The following CSMD1 variants were observed in gnomAD, a reference collection of about 807,000 sequenced individuals.
CSMD1 encodes CUB and Sushi multiple domains 1.
A neutral mutation model predicts 417.5 loss-of-function variants in CSMD1; 213 were observed. The observed-to-expected ratio is 0.51, with a 90% CI of 0.46 to 0.57. The LOEUF is 0.57. CSMD1 is among the 20% of genes least tolerant of loss of function. The probability of loss-of-function intolerance (pLI) is 0.00; values close to 1 mark genes in which losing one functional copy is unlikely to be tolerated. For synonymous variants in CSMD1, 2,862 were observed against 1,736.8 expected, an observed-to-expected ratio of 1.65 and a Z score of -16.11; for missense variants, 6,923 against 4,529.7, an observed-to-expected ratio of 1.53 and a Z score of -15.17.
intron 6 of CSMD1, among the ~76,000 whole-genome samples, chr8:3,745,191 T>C (rs946105849): frequency 1.3e-5 from 2 of 152,230 alleles, no homozygotes; most frequent in African/African-American, 4.8e-5. Context: ...CTATCATTTC[T>C]CTGTTATATT....
chr8:4,656,229 C>T (rs1804220084), intron 1 of CSMD1, among the ~76,000 whole-genome samples: 1 of 151,928 alleles, frequency 6.6e-6, no homozygotes, highest in Non-Finnish European at 1.5e-5. Context: ...GTGGAAAAGC[C>T]TTAGGTTAGG....
intron 1 of CSMD1, among the ~76,000 whole-genome samples, chr8:4,827,716 C>A (rs916640106): frequency 2.0e-5 from 3 of 152,070 alleles, no homozygotes; most frequent in Admixed American, 1.3e-4. Context: ...ATCTGTAGAT[C>A]TAAAAAGAAT....
At chr8:3,292,969 T>C (rs934964966) in intron 25 of CSMD1, among the ~76,000 whole-genome samples, 1 of 152,158 alleles carries the variant, frequency 6.6e-6, no homozygotes, top group African/African-American at 2.4e-5. Flanking sequence ...TGGTACCGGT[T>C]GTTCCTTTCC....
chr8:3,981,650 C>G (rs565330604), intron 5 of CSMD1, among the ~76,000 whole-genome samples: 3 of 151,672 alleles, frequency 2.0e-5, no homozygotes, highest in South Asian at 2.1e-4. Flanking sequence ...TTAATTATGT[C>G]TCTTGTCATA....
At chr8:3,363,567 G>T (rs908709702) in intron 20 of CSMD1, among the ~76,000 whole-genome samples, 1 of 151,854 alleles carries the variant, frequency 6.6e-6, no homozygotes, top group Non-Finnish European at 1.5e-5. Context: ...TCGCTGTATT[G>T]CCGAGGCTGG....
intron 36 of CSMD1, 45 bp from the exon 37 acceptor site, chr8:3,181,259 T>G: frequency 3.1e-6 from 4 of 1,280,446 alleles, no homozygotes; most frequent in Non-Finnish European, 4.5e-6. Flanking sequence ...ACAAATACAT[T>G]CACTTTTCTA....
chr8:4,904,522 G>A (rs1215027116), intron 1 of CSMD1, among the ~76,000 whole-genome samples: 1 of 151,960 alleles, frequency 6.6e-6, no homozygotes, highest in East Asian at 1.9e-4. Flanking sequence ...ACCCTTTCCA[G>A]GTCCTACACT....
intron 1 of CSMD1, among the ~76,000 whole-genome samples, chr8:4,685,554 T>A (rs1806317111): frequency 6.6e-6 from 1 of 151,836 alleles, no homozygotes; most frequent in African/African-American, 2.4e-5. Flanking sequence ...GCAGCCTGGG[T>A]GACAGAATGA....
At chr8:4,409,567 A>G (rs781265838) in intron 3 of CSMD1, among the ~76,000 whole-genome samples, 1 of 152,002 alleles carries the variant, frequency 6.6e-6, no homozygotes, top group Non-Finnish European at 1.5e-5. Context: ...GCCACTCAAC[A>G]CTTCAGCAGG....
At chr8:4,246,218 G>A (rs1016240882) in intron 3 of CSMD1, among the ~76,000 whole-genome samples, 1 of 152,060 alleles carries the variant, frequency 6.6e-6, no homozygotes, top group African/African-American at 2.4e-5. Context: ...TGTTCCCCCA[G>A]TGTGTTCATG....
intron 5 of CSMD1, among the ~76,000 whole-genome samples, chr8:3,833,028 A>G (rs932350642): frequency 5.9e-5 from 9 of 152,192 alleles, no homozygotes; most frequent in Non-Finnish European, 1.3e-4. Flanking sequence ...AGTTGATACT[A>G]TAAAGTAGTG....
intron 3 of CSMD1, among the ~76,000 whole-genome samples, chr8:4,181,711 C>G (rs1358192066): frequency 6.7e-6 from 1 of 148,494 alleles, no homozygotes; most frequent in African/African-American, 2.5e-5. Flanking sequence ...TATAATCTCC[C>G]CTCAGAAATT....
At chr8:4,160,576 C>G (rs1381075850) in intron 3 of CSMD1, among the ~76,000 whole-genome samples, 2 of 152,202 alleles carry the variant, frequency 1.3e-5, no homozygotes, top group Non-Finnish European at 2.9e-5. Flanking sequence ...TCTCATCTTG[C>G]ATGAGGCTGA....
intron 2 of CSMD1, among the ~76,000 whole-genome samples, chr8:4,424,493 G>A (rs180673536): frequency 5.3e-5 from 8 of 151,740 alleles, no homozygotes; most frequent in East Asian, 3.9e-4. Context: ...GAGAAATACC[G>A]CACATGATAT....
intron 41 of CSMD1, among the ~76,000 whole-genome samples, chr8:3,125,185 G>A (rs1488393346): frequency 6.6e-6 from 1 of 152,220 alleles, no homozygotes; most frequent in African/African-American, 2.4e-5. Flanking sequence ...GATAATTCCT[G>A]AGTATGCTGA....
intron 4 of CSMD1, 115 bp from the exon 5 acceptor site, chr8:3,998,225 G>A: frequency 1.2e-6 from 1 of 816,034 alleles, no homozygotes; most frequent in Admixed American, 2.8e-5. Context: ...ACCCAAAATT[G>A]AGACACTCAA....
chr8:4,325,798 A>T (rs768170360), intron 3 of CSMD1, among the ~76,000 whole-genome samples: 1 of 152,176 alleles, frequency 6.6e-6, no homozygotes, highest in Non-Finnish European at 1.5e-5. Context: ...TGGCCCATTT[A>T]AAATGCTGAT....
chr8:3,146,761 A>T (rs559302517), intron 40 of CSMD1, among the ~76,000 whole-genome samples: 23 of 152,338 alleles, frequency 1.5e-4, no homozygotes, highest in African/African-American at 5.3e-4. Flanking sequence ...AAAGCCAGGT[A>T]AGATGATTTC....
At chr8:3,886,856 C>T (rs571106011) in intron 5 of CSMD1, among the ~76,000 whole-genome samples, 1 of 152,230 alleles carries the variant, frequency 6.6e-6, no homozygotes, top group South Asian at 2.1e-4. Context: ...TTTCTGCCCT[C>T]AATGGCTACA....
Sources: allele counts gnomAD v4.1 joint callset (sites outside exome capture counted in the v4.1 genomes callset), GRCh38; gene constraint gnomAD v4.1.1; transcripts MANE v1.5; gene names NCBI Gene and HGNC (gene_info 2026-07-23, HGNC 2026-07-21).